The following EXOC6B variants were observed in gnomAD, a reference collection of about 807,000 sequenced individuals.
EXOC6B encodes exocyst complex component 6B.
EXOC6B carries 54 observed loss-of-function variants against 113.5 expected under a neutral mutation model. That is an observed-to-expected ratio of 0.48 (90% CI 0.38 to 0.60). The LOEUF (loss-of-function observed/expected upper bound fraction) is 0.60. Ranked by LOEUF, EXOC6B falls within the 20% of genes least tolerant of loss-of-function variation. The pLI, the probability that EXOC6B is intolerant of heterozygous loss-of-function variation, is 0.00. For missense variants in EXOC6B, 797 were observed against 977.5 expected (o/e 0.82, Z 2.46); for synonymous variants, 357 against 339.0 (o/e 1.05, Z -0.58).
At position 72,594,583 on chromosome 2, in the gene EXOC6B, T is replaced by C. The variant is rs113104667; in HGVS notation, c.670-18915A>G. ...AATTATATATGTTTGGAGAAAGTGT[T>C]TTGATACAAACAACCCAACTTGTTT... is the stretch of plus-strand genomic sequence containing the variant. On this transcript the variant is annotated intron_variant, in intron 6 of 21. Coordinates refer to ENST00000272427, the MANE Select transcript of EXOC6B (RefSeq NM_015189.3). 5.4e-4 allele frequency among the ~76,000 whole-genome samples: 82 copies of C among 152,308 alleles called. 1 individual carries two copies. The highest frequency in any genetic ancestry group is 1.8e-3 in the African/African-American group (74 of 41,560).
At position 72,736,751 on chromosome 2, in the gene EXOC6B, C is replaced by T. The variant is rs187057180; in HGVS notation, c.280-3633G>A. On this transcript the variant is annotated intron_variant, in intron 2 of 21. Coordinates refer to ENST00000272427, the MANE Select transcript of EXOC6B (RefSeq NM_015189.3). The stretch of plus-strand genomic sequence containing the variant: ...GAGGTATTCTACCACACGACTACTT[C>T]GATAACCAGAGACAAAACATTGTGC... 2.2e-4 allele frequency among the ~76,000 whole-genome samples: 34 copies of T among 152,252 alleles called. No homozygotes were observed. In the East Asian group the frequency reaches 6.2e-3, roughly 28 times the overall value.
At chr2:72,579,050 A>C (rs1462107159) in intron 6 of EXOC6B, among the ~76,000 whole-genome samples, 1 of 152,178 alleles carries the variant, frequency 6.6e-6, no homozygotes, top group Non-Finnish European at 1.5e-5. Context: ...CTGGAAATAG[A>C]AAATCTAATA....
intron 2 of EXOC6B, among the ~76,000 whole-genome samples, chr2:72,734,784 G>A (rs1316332779): frequency 2.0e-5 from 3 of 152,144 alleles, no homozygotes; most frequent in Non-Finnish European, 2.9e-5. Context: ...AGCATGGTTA[G>A]AAGTGAACAC....
chr2:72,496,280 C>T lies in EXOC6B; in HGVS notation c.1443+174G>A, dbSNP rs1010039125. On this transcript the variant is annotated intron_variant, in intron 14 of 21. Transcript: ENST00000272427. The stretch of plus-strand genomic sequence containing the variant: ...GTCTTCCCCAAAAAGAATCCTTCAT[C>T]GTCAGAAAGGTGATTAAAGTGAAAA... Among the ~76,000 whole-genome samples, 6 of 152,114 alleles carry T rather than the reference C, an allele frequency of 3.9e-5. 1 individual carries two copies. In the South Asian group the frequency reaches 8.3e-4, roughly 21 times the overall value.
intron 20 of EXOC6B, among the ~76,000 whole-genome samples, chr2:72,241,048 T>C (rs1250972403): frequency 3.9e-5 from 6 of 152,228 alleles, no homozygotes; most frequent in African/African-American, 1.4e-4. Context: ...GCTAGAGGCT[T>C]ATTGTGGACA....
chr2:72,680,922 T>C lies in EXOC6B; in HGVS notation c.669+37181A>G, dbSNP rs538496819. On this transcript the variant is annotated intron_variant, in intron 6 of 21. Transcript: ENST00000272427. Reference sequence around the variant, plus strand: ...ATGGGAAAAGTTATGGTTCTTTAGTTAGAGGTTTATCGCTCTTCAGTGTGG... The same window carrying C: ...ATGGGAAAAGTTATGGTTCTTTAGTCAGAGGTTTATCGCTCTTCAGTGTGG... 1.1e-4 allele frequency among the ~76,000 whole-genome samples: 16 copies of C among 152,264 alleles called. 1 individual carries two copies. In the South Asian group the frequency reaches 1.9e-3, roughly 18 times the overall value.
At chr2:72,523,646 T>C (rs1701605403) in intron 8 of EXOC6B, among the ~76,000 whole-genome samples, 1 of 152,000 alleles carries the variant, frequency 6.6e-6, no homozygotes, top group Non-Finnish European at 1.5e-5. Context: ...CCGGGCGTGG[T>C]GGCAGGCGCC....
intron 20 of EXOC6B, among the ~76,000 whole-genome samples, chr2:72,195,258 G>A (rs923911579): frequency 1.3e-5 from 2 of 152,186 alleles, no homozygotes; most frequent in Non-Finnish European, 2.9e-5. Context: ...CTTTGAGTCC[G>A]AGACTGTCCT....
chr2:72,259,340 G>A (rs923896229), intron 20 of EXOC6B, among the ~76,000 whole-genome samples: 6 of 152,144 alleles, frequency 3.9e-5, no homozygotes, highest in South Asian at 2.1e-4. Context: ...AAATGTGTCC[G>A]TGTTGTTGTG....
chr2:72,780,888 A>C (rs1406114247), intron 1 of EXOC6B, among the ~76,000 whole-genome samples: 1 of 152,146 alleles, frequency 6.6e-6, no homozygotes, highest in African/African-American at 2.4e-5. Context: ...AGGATAAGAA[A>C]GTCCTTGTTA....
At chr2:72,199,606 G>A (rs941026504) in intron 20 of EXOC6B, among the ~76,000 whole-genome samples, 12 of 152,164 alleles carry the variant, frequency 7.9e-5, no homozygotes, top group African/African-American at 9.6e-5. Flanking sequence ...CCTCTCCACC[G>A]CCATTCCCCA....
At chr2:72,626,164 AG>A (rs1672037760) in intron 6 of EXOC6B, among the ~76,000 whole-genome samples, 1 of 152,198 alleles carries the variant, frequency 6.6e-6, no homozygotes, top group Non-Finnish European at 1.5e-5. Context: ...AATATGAAAA[AG>A]TGAAATAAAG....
chr2:72,569,609 A>C (rs1166406602), intron 7 of EXOC6B, among the ~76,000 whole-genome samples: 1 of 152,182 alleles, frequency 6.6e-6, no homozygotes, highest in Non-Finnish European at 1.5e-5. Flanking sequence ...ACCAGTATGC[A>C]AGCTGTTTCT....
intron 6 of EXOC6B, among the ~76,000 whole-genome samples, chr2:72,709,055 T>G (rs1195567015): frequency 2.0e-5 from 3 of 150,752 alleles, no homozygotes; most frequent in Non-Finnish European, 4.4e-5. Flanking sequence ...TAATTAAAAT[T>G]TAAAAAAAAA....
intron 1 of EXOC6B, among the ~76,000 whole-genome samples, chr2:72,807,272 T>C (rs1685630565): frequency 6.6e-6 from 1 of 152,208 alleles, no homozygotes; most frequent in South Asian, 2.1e-4. Flanking sequence ...GTTTATTAAA[T>C]GGGGAGTGCT....
intron 6 of EXOC6B, among the ~76,000 whole-genome samples, chr2:72,653,966 ATTTAT>A (rs1674402324): frequency 1.1e-5 from 1 of 90,502 alleles, no homozygotes; most frequent in Non-Finnish European, 2.0e-5. Context: ...CATGAATTTT[ATTTAT>A]TTTTTTTTTT....
intron 6 of EXOC6B, among the ~76,000 whole-genome samples, chr2:72,658,706 A>G (rs897641461): frequency 2.0e-5 from 3 of 152,106 alleles, no homozygotes; most frequent in African/African-American, 4.8e-5. Context: ...ATATACTTCT[A>G]TTGAGAGTTA....
chr2:72,199,890 G>A (rs918315580), intron 20 of EXOC6B, among the ~76,000 whole-genome samples: 1 of 151,952 alleles, frequency 6.6e-6, no homozygotes, highest in Admixed American at 6.6e-5. Flanking sequence ...GCTTTTGGGA[G>A]GTTTTTATTT....
intron 20 of EXOC6B, chr2:72,263,353 G>C (rs1484140666): frequency 6.6e-6 from 1 of 152,222 alleles, no homozygotes; most frequent in East Asian, 1.9e-4. Flanking sequence ...TTTAATCCTT[G>C]TTTGTTTGAG....
Sources: allele counts gnomAD v4.1 joint callset (sites outside exome capture counted in the v4.1 genomes callset), GRCh38; gene constraint gnomAD v4.1.1; transcripts MANE v1.5; gene names NCBI Gene and HGNC (gene_info 2026-07-23, HGNC 2026-07-21).